Variants in GTF2H1 observed in about 807,000 individuals in gnomAD.
GTF2H1 encodes BTF2 p62.
In GTF2H1, 16 loss-of-function variants were observed where a neutral mutation model predicts 71.2. The observed-to-expected ratio is 0.22, with a 90% CI of 0.15 to 0.34. The LOEUF (loss-of-function observed/expected upper bound fraction) is 0.34, where lower values mean the gene tolerates loss of function less well. Ranked by LOEUF, GTF2H1 falls within the 10% of genes least tolerant of loss-of-function variation. The probability of loss-of-function intolerance (pLI) is 1.00; values close to 1 mark genes in which losing one functional copy is unlikely to be tolerated. For missense variants in GTF2H1, 498 were observed against 648.2 expected, an observed-to-expected ratio of 0.77 and a Z score of 2.52; for synonymous variants, 215 against 219.0, an observed-to-expected ratio of 0.98 and a Z score of 0.16.
At chr11:18,334,272 C>T (rs572706248) in intron 2 of GTF2H1, among the ~76,000 whole-genome samples, 6 of 152,022 alleles carry the variant, frequency 3.9e-5, no homozygotes, top group African/African-American at 7.3e-5. Flanking sequence ...CCCAGCTCCT[C>T]GGGAGCCTGA....
chr11:18,360,980 ATTTTAGTAGAGACGGGGTTTCACC>A, intron 14 of GTF2H1, among the ~76,000 whole-genome samples: 1 of 151,084 alleles, frequency 6.6e-6, no homozygotes, highest in Non-Finnish European at 1.5e-5. Context: ...TAATTTTTGT[ATTTTAGTAGAGACGGGGTTTCACC>A]ATGTTGGCCA....
intron 1 of GTF2H1, among the ~76,000 whole-genome samples, chr11:18,324,792 T>C (rs1864722109): frequency 6.6e-6 from 1 of 152,226 alleles, no homozygotes. Context: ...TAATATACTC[T>C]TGTCAGCATG....
chr11:18,347,060 G>A (rs1865311956), intron 7 of GTF2H1: 1 of 150,494 alleles, frequency 6.6e-6, no homozygotes, highest in Admixed American at 6.6e-5. Context: ...TTGATAACTA[G>A]ATCCAAATTG....
rs986176754 is a variant in GTF2H1, at chr11:18,340,193, G to A, written c.607+536G>A. 4.6e-5 allele frequency among the ~76,000 whole-genome samples: 7 copies of A among 152,040 alleles called. No homozygotes were observed. In the East Asian group the frequency reaches 7.7e-4, roughly 17 times the overall value. On this transcript the variant is annotated intron_variant, in intron 5 of 14. Transcript: ENST00000265963. ...ATCCTGGCCAGTCCCAGTGGCTCACGCCTGTAATCCCAACACTTCAGGAGG... is the reference window on the plus strand; with the variant it reads ...ATCCTGGCCAGTCCCAGTGGCTCACACCTGTAATCCCAACACTTCAGGAGG...
chr11:18,363,336 T>C (rs115488680), intron 14 of GTF2H1, among the ~76,000 whole-genome samples: 3,262 of 152,282 alleles, frequency 0.021, 110 homozygotes, highest in African/African-American at 0.071. Context: ...TAATTGTACA[T>C]GCTATACTTT....
chr11:18,345,084 G>C (rs1407587942), intron 7 of GTF2H1, among the ~76,000 whole-genome samples: 2 of 151,412 alleles, frequency 1.3e-5, no homozygotes, highest in African/African-American at 2.4e-5. Flanking sequence ...CCAGCTACTC[G>C]GGAGGCTAAG....
chr11:18,349,290 A>T (rs1865373868), intron 9 of GTF2H1, among the ~76,000 whole-genome samples: 1 of 152,234 alleles, frequency 6.6e-6, no homozygotes, highest in African/African-American at 2.4e-5. Context: ...AAAGCTAATA[A>T]TAAGTTATAG....
chr11:18,344,085 A>T, intron 7 of GTF2H1, among the ~76,000 whole-genome samples: 1 of 152,074 alleles, frequency 6.6e-6, no homozygotes, highest in Non-Finnish European at 1.5e-5. Context: ...TCGGCCTCCT[A>T]AAGTGCTGAG....
intron 11 of GTF2H1, among the ~76,000 whole-genome samples, chr11:18,355,735 G>C (rs558013374): frequency 6.6e-6 from 1 of 151,216 alleles, no homozygotes; most frequent in East Asian, 2.0e-4. Flanking sequence ...GGCTGGTCTC[G>C]AACTCCTGAG....
chr11:18,331,005 T>C lies in GTF2H1; in HGVS notation c.-15-2055T>C, dbSNP rs926986062. On this transcript the variant is annotated intron_variant, in intron 1 of 14. Coordinates refer to ENST00000265963, the MANE Select transcript of GTF2H1 (RefSeq NM_005316.4). ...CCCTGTATTTTTTATTTCTAACTCA[T>C]TGTTTGAGCGAATAAGAAGTAATAA... Among the ~76,000 whole-genome samples, 10 of 152,172 alleles carry C rather than the reference T, an allele frequency of 6.6e-5. No homozygotes were observed. The East Asian group carries it at 1.7e-3, about 26-fold the overall frequency.
Position 18,366,600 on chromosome 11 carries a change from C to T in GTF2H1, c.*731C>T, listed in dbSNP as rs1240566101. The T allele has an allele frequency of 3.9e-5, 6 of 152,486 alleles. No individual in the cohort carries two copies. The highest frequency in any genetic ancestry group is 9.7e-5 in the African/African-American group (4 of 41,412). 9.4% of individuals were successfully genotyped at this position (152,486 alleles called of 1,614,324 possible). A position where few individuals can be genotyped will look rare whatever the true frequency, so the allele number is the denominator to read the frequency against. ...AAGAGGGAATATATTTGCAGAAAGTCGCATAGGGTTTTTTAATGCAGAATT... is the reference window on the plus strand; with the variant it reads ...AAGAGGGAATATATTTGCAGAAAGTTGCATAGGGTTTTTTAATGCAGAATT... On this transcript the variant is annotated 3_prime_UTR_variant, in exon 15 of 15. Coordinates refer to ENST00000265963, the MANE Select transcript of GTF2H1 (RefSeq NM_005316.4).
intron 2 of GTF2H1, among the ~76,000 whole-genome samples, chr11:18,334,786 C>G (rs1864986053): frequency 6.6e-6 from 1 of 152,146 alleles, no homozygotes; most frequent in Non-Finnish European, 1.5e-5. Context: ...ATATGCCCCA[C>G]CTAGATATTA....
chr11:18,329,695 C>G (rs1214090145), intron 1 of GTF2H1, among the ~76,000 whole-genome samples: 1 of 152,198 alleles, frequency 6.6e-6, no homozygotes, highest in African/African-American at 2.4e-5. Context: ...TTACTCATTC[C>G]TAGAGAGTTT....
chr11:18,335,723 A>G (rs4150581), intron 2 of GTF2H1, 31 bp from the exon 3 acceptor site: 795,063 of 1,524,534 alleles, frequency 0.52, 216,994 homozygotes, highest in East Asian at 0.57. Context: ...TGTGAGTGTC[A>G]TCATCTAACT....
At chr11:18,335,380 G>T (rs1374487203) in intron 2 of GTF2H1, among the ~76,000 whole-genome samples, 2 of 152,130 alleles carry the variant, frequency 1.3e-5, no homozygotes, top group Non-Finnish European at 2.9e-5. Flanking sequence ...ATCATGATAG[G>T]TCATTTTTTA....
At chr11:18,335,971 G>A (rs1865017315) in intron 3 of GTF2H1, 25 bp downstream of exon 3, 2 of 1,572,656 alleles carry the variant, frequency 1.3e-6, no homozygotes, top group South Asian at 1.1e-5. Context: ...ATAGCCTTTT[G>A]AAAGAGATAC....
chr11:18,348,025 CTAAGATGT>C (rs1309454324), intron 9 of GTF2H1, 106 bp downstream of exon 9: 1 of 797,510 alleles, frequency 1.3e-6, no homozygotes, highest in Non-Finnish European at 2.2e-6. Flanking sequence ...GTTCTTCTAA[CTAAGATGT>C]TAAGCATTTG....
At chr11:18,345,499 CTTTTT>C (rs772599660) in intron 7 of GTF2H1, among the ~76,000 whole-genome samples, 1 of 135,018 alleles carries the variant, frequency 7.4e-6, no homozygotes, top group Non-Finnish European at 1.6e-5. Flanking sequence ...GCATATGGAT[CTTTTT>C]TTTTTTTTTT....
intron 9 of GTF2H1, among the ~76,000 whole-genome samples, chr11:18,350,067 G>T (rs112110133): frequency 1.3e-5 from 2 of 152,316 alleles, no homozygotes; most frequent in Non-Finnish European, 2.9e-5. Context: ...TCAAACCATT[G>T]TAAGTCAGGG....
Sources: allele counts gnomAD v4.1 joint callset (sites outside exome capture counted in the v4.1 genomes callset), GRCh38; gene constraint gnomAD v4.1.1; transcripts MANE v1.5; gene names NCBI Gene and HGNC (gene_info 2026-07-23, HGNC 2026-07-21).